Variants in ADGRB3 observed in about 807,000 individuals in gnomAD.
ADGRB3 encodes adhesion G protein-coupled receptor B3, also known as brain-specific angiogenesis inhibitor 3.
In ADGRB3, 37 loss-of-function variants were observed where a neutral mutation model predicts 193.4. The observed-to-expected ratio is 0.19, with a 90% CI of 0.15 to 0.25. The LOEUF is 0.25. ADGRB3 is among the 10% of genes least tolerant of loss of function. The probability of loss-of-function intolerance (pLI) is 1.00; values close to 1 mark genes in which losing one functional copy is unlikely to be tolerated. For synonymous variants in ADGRB3, 690 were observed against 644.2 expected (o/e 1.07, Z -1.08); for missense variants, 1,637 against 1,852.9 (o/e 0.88, Z 2.14).
At chr6:68,905,612 T>C (rs576320579) in intron 3 of ADGRB3, among the ~76,000 whole-genome samples, 1 of 152,266 alleles carries the variant, frequency 6.6e-6, no homozygotes, top group South Asian at 2.1e-4. Flanking sequence ...CTTCAAAGCT[T>C]ACCTGCTGCA....
rs553111042 is a variant in ADGRB3 at position 69,381,918 on chromosome 6, T to C, written c.4276-913T>C. ...TCACCAAAATATTGATTTTTAACTT[T>C]TAAAAATCAAAACTGAGGAAGACAT... On this transcript the variant is annotated intron_variant, in intron 30 of 31. Coordinates refer to ENST00000370598, the MANE Select transcript of ADGRB3 (RefSeq NM_001704.3). Among the ~76,000 whole-genome samples the C allele has an allele frequency of 2.9e-3, 438 of 152,026 alleles. 1 individual carries two copies. Among genetic ancestry groups the C allele is most frequent in the Non-Finnish European group, 4.8e-3 (325 of 67,870 alleles).
chr6:69,107,138 C>T (rs756440374), intron 17 of ADGRB3, among the ~76,000 whole-genome samples: 1 of 152,172 alleles, frequency 6.6e-6, no homozygotes, highest in Non-Finnish European at 1.5e-5. Flanking sequence ...ACAATAGCCA[C>T]TATGACTAAT....
At chr6:68,717,101 A>G (rs948075984) in intron 3 of ADGRB3, among the ~76,000 whole-genome samples, 6 of 151,668 alleles carry the variant, frequency 4.0e-5, no homozygotes, top group Non-Finnish European at 8.9e-5. Flanking sequence ...TTCAAAAAGT[A>G]CCACTACATT....
chr6:68,906,305 A>AGGTATACTATATATATTGTT (rs1766544255), intron 3 of ADGRB3, among the ~76,000 whole-genome samples: 1 of 151,822 alleles, frequency 6.6e-6, no homozygotes, highest in African/African-American at 2.4e-5. Flanking sequence ...CATATATTGG[A>AGGTATACTATATATATTGTT]GGTATACCAT....
intron 27 of ADGRB3, 51 bp downstream of exon 27, chr6:69,354,379 G>T (rs757765802): frequency 1.4e-6 from 2 of 1,464,666 alleles, no homozygotes; most frequent in South Asian, 2.3e-5. Flanking sequence ...TTTCTCAAGG[G>T]AATAAAAGAA....
chr6:69,138,893 G>A (rs1475263006), intron 17 of ADGRB3, among the ~76,000 whole-genome samples: 1 of 152,190 alleles, frequency 6.6e-6, no homozygotes, highest in African/African-American at 2.4e-5. Context: ...CCTGTCAAAA[G>A]ACTCTAGAGG....
intron 3 of ADGRB3, among the ~76,000 whole-genome samples, chr6:68,665,911 C>T (rs1232848329): frequency 6.6e-6 from 1 of 151,258 alleles, no homozygotes; most frequent in Non-Finnish European, 1.5e-5. Context: ...TTTTGTAATC[C>T]CAAGATTAGC....
chr6:68,764,602 G>A (rs9346239), intron 3 of ADGRB3, among the ~76,000 whole-genome samples: 84,490 of 151,968 alleles, frequency 0.56, 24,293 homozygotes, highest in East Asian at 0.86. Context: ...ATATAATAAT[G>A]CACCATGTCT....
intron 3 of ADGRB3, among the ~76,000 whole-genome samples, chr6:68,778,780 TC>T (rs1170988818): frequency 6.6e-6 from 1 of 151,952 alleles, no homozygotes; most frequent in African/African-American, 2.4e-5. Context: ...GTCCCCATTT[TC>T]CCCCATTCTG....
intron 5 of ADGRB3, among the ~76,000 whole-genome samples, chr6:68,938,426 CATG>C (rs1466656488): frequency 1.6e-5 from 2 of 122,024 alleles, no homozygotes; most frequent in African/African-American, 6.3e-5. Context: ...TCTTGTATAA[CATG>C]ATATTTTGAG....
At chr6:69,183,341 T>G (rs1437872762) in intron 17 of ADGRB3, among the ~76,000 whole-genome samples, 1 of 152,154 alleles carries the variant, frequency 6.6e-6, no homozygotes, top group Non-Finnish European at 1.5e-5. Context: ...TTGAAATTTT[T>G]GTGGTACTTT....
intron 3 of ADGRB3, among the ~76,000 whole-genome samples, chr6:68,764,344 A>G (rs1269088619): frequency 2.6e-5 from 4 of 152,220 alleles, no homozygotes. Context: ...CATGACTACT[A>G]TAAAAAATGA....
At chr6:68,827,220 G>A (rs189777889) in intron 3 of ADGRB3, among the ~76,000 whole-genome samples, 102 of 152,172 alleles carry the variant, frequency 6.7e-4, no homozygotes, top group African/African-American at 2.3e-3. Context: ...TAAGTGTGGT[G>A]TCCTGGAAGT....
At chr6:69,368,472 G>A (rs1472856074) in intron 29 of ADGRB3, among the ~76,000 whole-genome samples, 1 of 152,124 alleles carries the variant, frequency 6.6e-6, no homozygotes, top group Non-Finnish European at 1.5e-5. Flanking sequence ...TGACTCCTGA[G>A]TCTCTCGCTT....
At chr6:69,245,443 A>T (rs1054370980) in intron 20 of ADGRB3, among the ~76,000 whole-genome samples, 2 of 152,088 alleles carry the variant, frequency 1.3e-5, no homozygotes, top group African/African-American at 4.8e-5. Context: ...GGAACTCAGG[A>T]ATAAATCGTA....
In ADGRB3 at chr6:68,726,405, A is replaced by G. The variant is rs570637333; in HGVS notation, c.757+86973A>G. Among the ~76,000 whole-genome samples the G allele has an allele frequency of 1.3e-4, 20 of 151,716 alleles. 1 individual carries two copies. The highest frequency in any genetic ancestry group is 2.7e-4 in the Non-Finnish European group (18 of 67,710). ...GATTGATCTCCTGATTCCTGGTCTG[A>G]TATGTTATCCATTACTCCATGAACA... On this transcript the variant is annotated intron_variant, in intron 3 of 31. Transcript: ENST00000370598.
At chr6:68,936,398 A>T in intron 4 of ADGRB3, 121 bp from the exon 5 acceptor site, 1 of 1,024,414 alleles carries the variant, frequency 9.8e-7, no homozygotes, top group East Asian at 2.6e-5. Context: ...GTACCTTTTG[A>T]TGTATGGTCA....
chr6:69,237,603 A>G (rs912209551), intron 19 of ADGRB3, among the ~76,000 whole-genome samples: 17 of 152,076 alleles, frequency 1.1e-4, no homozygotes, highest in African/African-American at 3.9e-4. Context: ...TTTGATAAAA[A>G]TAGAAACATA....
At chr6:69,236,526 C>T (rs1311696293) in intron 19 of ADGRB3, among the ~76,000 whole-genome samples, 1 of 151,970 alleles carries the variant, frequency 6.6e-6, no homozygotes, top group Admixed American at 6.6e-5. Context: ...TAGACAACTT[C>T]CTCTACCACA....
Sources: allele counts gnomAD v4.1 joint callset (sites outside exome capture counted in the v4.1 genomes callset), GRCh38; gene constraint gnomAD v4.1.1; transcripts MANE v1.5; gene names NCBI Gene and HGNC (gene_info 2026-07-23, HGNC 2026-07-21).